Variants in CLCA2 observed in about 807,000 individuals in gnomAD.
CLCA2 encodes chloride channel accessory 2, also known as calcium-activated chloride channel regulator 2.
Under a neutral mutation model 82.9 loss-of-function variants are expected in CLCA2, and 85 were observed. That is an observed-to-expected ratio of 1.03 (90% confidence interval 0.86 to 1.23). The LOEUF (loss-of-function observed/expected upper bound fraction) is 1.23, where lower values mean the gene tolerates loss of function less well. Ranked by LOEUF, CLCA2 falls within the 50% of genes most tolerant of loss-of-function variation. The probability of loss-of-function intolerance (pLI) is 0.00; values close to 1 mark genes in which losing one functional copy is unlikely to be tolerated. For missense variants in CLCA2, 1,089 were observed against 1,124.8 expected, an observed-to-expected ratio of 0.97 and a Z score of 0.45; for synonymous variants, 421 against 391.7, an observed-to-expected ratio of 1.07 and a Z score of -0.88.
intron 6 of CLCA2, among the ~76,000 whole-genome samples, chr1:86,436,917 T>C (rs1327270697): frequency 6.6e-6 from 1 of 152,136 alleles, no homozygotes; most frequent in African/African-American, 2.4e-5. Context: ...TTCTCCATGA[T>C]TGGTCAGGCT....
At chr1:86,436,794 A>G (rs1314888688) in intron 6 of CLCA2, among the ~76,000 whole-genome samples, 1 of 151,888 alleles carries the variant, frequency 6.6e-6, no homozygotes, top group Non-Finnish European at 1.5e-5. Context: ...GCTCACCACA[A>G]CCTCCAACTC....
In CLCA2 at chr1:86,453,263, T is replaced by G; in HGVS notation, c.2156-106T>G. ...CAAATACACTCAGTTATTCTAGAGA[T>G]GTAGTAAAGAAAAAAAGGTTTAAGA... On this transcript the variant is annotated intron_variant, in intron 12 of 13. Transcript: ENST00000370565. 5.7e-6 allele frequency: 4 copies of G among 697,236 alleles called. No homozygotes were observed. In the East Asian group the frequency reaches 8.0e-5, roughly 14 times the overall value. 43.2% of individuals were successfully genotyped at this position (697,236 alleles called of 1,614,324 possible).
chr1:86,430,322 T>C (rs1662469639), intron 3 of CLCA2, among the ~76,000 whole-genome samples: 1 of 152,158 alleles, frequency 6.6e-6, no homozygotes, highest in African/African-American at 2.4e-5. Flanking sequence ...CCATCCAGGC[T>C]GGGGAGAACA....
intron 4 of CLCA2, among the ~76,000 whole-genome samples, chr1:86,432,012 T>C (rs1662510201): frequency 6.6e-6 from 1 of 152,234 alleles, no homozygotes; most frequent in South Asian, 2.1e-4. Context: ...TTCGGCTCAC[T>C]GAAACTTCTG....
chr1:86,446,083 A>C (rs778421475), intron 10 of CLCA2, among the ~76,000 whole-genome samples: 3 of 152,072 alleles, frequency 2.0e-5, no homozygotes, highest in Non-Finnish European at 4.4e-5. Flanking sequence ...AGTATAGAGG[A>C]TTTCACCAGT....
chr1:86,429,852 C>T (rs1261815757), intron 3 of CLCA2, among the ~76,000 whole-genome samples: 1 of 152,118 alleles, frequency 6.6e-6, no homozygotes, highest in African/African-American at 2.4e-5. Flanking sequence ...CTTTACAAAA[C>T]ACTTTATAAA....
chr1:86,447,445 T>C, intron 10 of CLCA2, 63 bp from the exon 11 acceptor site: 1 of 1,538,674 alleles, frequency 6.5e-7, no homozygotes, highest in Non-Finnish European at 8.8e-7. Context: ...TTTTGATGTA[T>C]GCTTTAAAAT....
At chr1:86,445,961 A>C (rs1662843845) in intron 10 of CLCA2, among the ~76,000 whole-genome samples, 1 of 152,204 alleles carries the variant, frequency 6.6e-6, no homozygotes, top group South Asian at 2.1e-4. Flanking sequence ...TAAAATATGC[A>C]GAAAACCCAA....
Position 86,455,295 on chromosome 1 carries a change from G to A in CLCA2, c.2600G>A (p.Arg867Gln), listed in dbSNP as rs371662559. 6.3e-5 allele frequency: 101 copies of A among 1,613,900 alleles called. No homozygotes were observed. In the Admixed American group the frequency reaches 6.3e-4, roughly 10 times the overall value. The stretch of plus-strand genomic sequence containing the variant: ...AGCCACAGAATTTATGTTGCAATAC[G>A]AGCAATGGATAGGAACTCCTTACAG... ...HESHRIYVAI[R>Q]AMDRNSLQSA... The change falls in exon 14 of 14, where the codon CGA (arginine) becomes CAA (glutamine). Residue 867 changes from arginine to glutamine, a missense_variant. Physicochemically the swap from Arg to Gln is conservative, Grantham distance 43. Transcript: ENST00000370565.
At chr1:86,430,793 C>T (rs1662480912) in intron 3 of CLCA2, 69 bp from the exon 4 acceptor site, 1 of 1,123,778 alleles carries the variant, frequency 8.9e-7, no homozygotes, top group East Asian at 2.3e-5. Flanking sequence ...AATGTTACGT[C>T]TTCACTAGTT....
chr1:86,435,559 G>A (rs1043341737), intron 6 of CLCA2, among the ~76,000 whole-genome samples: 8 of 152,168 alleles, frequency 5.3e-5, no homozygotes, highest in African/African-American at 1.7e-4. Flanking sequence ...TCCACAATCA[G>A]GCAGCTGTGT....
intron 9 of CLCA2, 32 bp from the exon 10 acceptor site, chr1:86,443,755 A>G (rs1212583962): frequency 2.6e-6 from 4 of 1,519,886 alleles, no homozygotes; most frequent in Non-Finnish European, 3.6e-6. Flanking sequence ...TGCATACACC[A>G]GAAACTCTCA....
rs1662947590 is a variant in CLCA2 at position 86,450,748 on chromosome 1, C to G, written c.2155+15C>G. ...CACAGCAAACGGTAAGAACCATTAG[C>G]ACTGTTATTTGAGTAACATCATTTC... is the stretch of plus-strand genomic sequence containing the variant. On this transcript the variant is annotated intron_variant, in intron 12 of 13. Coordinates refer to ENST00000370565, the MANE Select transcript of CLCA2 (RefSeq NM_006536.7). 6.3e-7 allele frequency: 1 copy of G among 1,575,296 alleles called. No homozygotes were observed. Among genetic ancestry groups the G allele is most frequent in the Non-Finnish European group, 8.6e-7 (1 of 1,158,150 alleles).
chr1:86,442,051 T>C (rs1662747733), intron 9 of CLCA2, among the ~76,000 whole-genome samples: 1 of 151,802 alleles, frequency 6.6e-6, no homozygotes, highest in Non-Finnish European at 1.5e-5. Flanking sequence ...GTCCTTTTCA[T>C]AGGGCCACTT....
rs764594002 is a variant in CLCA2 at position 86,440,243 on chromosome 1, G to T, written c.1299G>T (p.Val433=). Residue 433 remains valine, a synonymous_variant, in exon 8 of 14, where the codon GTG becomes GTT. Coordinates refer to ENST00000370565, the MANE Select transcript of CLCA2 (RefSeq NM_006536.7). ...DKLLGNCLPT[V]LSSGSTIHSI... ...TTCTTGGCAATTGCTTACCCACTGTGCTCAGCAGTGGTTCAACAATTCACT... is the reference window on the plus strand; with the variant it reads ...TTCTTGGCAATTGCTTACCCACTGTTCTCAGCAGTGGTTCAACAATTCACT... The T allele has an allele frequency of 1.2e-6, 2 of 1,613,952 alleles. No homozygotes were observed. Among genetic ancestry groups the T allele is most frequent in the Non-Finnish European group, 1.7e-6 (2 of 1,179,852 alleles).
intron 9 of CLCA2, among the ~76,000 whole-genome samples, chr1:86,442,508 G>C (rs116049695): frequency 0.01 from 1,548 of 152,278 alleles, 29 homozygotes; most frequent in African/African-American, 0.035. Context: ...CTCCATTGGA[G>C]TGAGGTGGGA....
At chr1:86,452,413 A>G (rs1198619820) in intron 12 of CLCA2, among the ~76,000 whole-genome samples, 1 of 152,064 alleles carries the variant, frequency 6.6e-6, no homozygotes, top group Non-Finnish European at 1.5e-5. Context: ...ATTCTACACC[A>G]AGCAGCCAGA....
chr1:86,453,278 A>C (rs1441059624), intron 12 of CLCA2, 91 bp from the exon 13 acceptor site: 4 of 867,736 alleles, frequency 4.6e-6, no homozygotes, highest in Non-Finnish European at 5.4e-6. Flanking sequence ...TAAAGAAAAA[A>C]AGGTTTAAGA....
In CLCA2 at chr1:86,443,785, A is replaced by C; in HGVS notation, c.1489-2A>C. ...CTCTCATATATATCTTCTCTTTAAC[A>C]GCTTGAAAGTACAGGTGAAAATGTC... On this transcript the variant is annotated splice_acceptor_variant, in intron 9 of 13. Coordinates refer to ENST00000370565, the MANE Select transcript of CLCA2 (RefSeq NM_006536.7). LOFTEE classifies it high-confidence loss of function. 1.2e-6 allele frequency: 2 copies of C among 1,610,778 alleles called. No homozygotes were observed. The highest frequency in any genetic ancestry group is 1.3e-5 in the African/African-American group (1 of 74,952).
Sources: allele counts gnomAD v4.1 joint callset (sites outside exome capture counted in the v4.1 genomes callset), GRCh38; gene constraint gnomAD v4.1.1; transcripts MANE v1.5; gene names NCBI Gene and HGNC (gene_info 2026-07-23, HGNC 2026-07-21).